SPAG16: variants seen among roughly 807,000 people sequenced by gnomAD.
SPAG16 encodes sperm associated antigen 16.
SPAG16 carries 86 observed loss-of-function variants against 80.4 expected under a neutral mutation model. The ratio of observed to expected loss-of-function variants is 1.07; its 90% CI spans 0.90 to 1.28. The LOEUF is 1.28. SPAG16 is among the 50% of genes most tolerant of loss of function. SPAG16 has a pLI of 0.00. For synonymous variants in SPAG16, 294 were observed against 265.9 expected, an observed-to-expected ratio of 1.11 and a Z score of -1.03; for missense variants, 870 against 765.3, an observed-to-expected ratio of 1.14 and a Z score of -1.61.
At chr2:213,767,530 C>A (rs1223829127) in intron 10 of SPAG16, among the ~76,000 whole-genome samples, 1 of 151,708 alleles carries the variant, frequency 6.6e-6, no homozygotes, top group East Asian at 1.9e-4. Flanking sequence ...ATTAGCCAGG[C>A]GGTTGAGAGG....
intron 9 of SPAG16, among the ~76,000 whole-genome samples, chr2:213,445,330 T>C (rs1348394160): frequency 6.6e-6 from 1 of 152,104 alleles, no homozygotes; most frequent in East Asian, 1.9e-4. Context: ...GTAATCTGAT[T>C]AGAAAATGGA....
chr2:214,057,656 G>A (rs2050015948), intron 13 of SPAG16, among the ~76,000 whole-genome samples: 1 of 152,154 alleles, frequency 6.6e-6, no homozygotes, highest in African/African-American at 2.4e-5. Context: ...CTGAAGCTTT[G>A]AAGCCAGACA....
chr2:213,455,150 C>T (rs1004796135), intron 9 of SPAG16, among the ~76,000 whole-genome samples: 2 of 152,132 alleles, frequency 1.3e-5, no homozygotes, highest in Non-Finnish European at 2.9e-5. Context: ...ATTTTCTTAT[C>T]CCACTAACAA....
intron 12 of SPAG16, among the ~76,000 whole-genome samples, chr2:213,943,823 GTA>G (rs2079318777): frequency 6.6e-6 from 1 of 152,258 alleles, no homozygotes; most frequent in East Asian, 1.9e-4. Flanking sequence ...AAGAAGATTA[GTA>G]TGAGTGTGAT....
At chr2:214,071,553 G>T (rs1308536455) in intron 13 of SPAG16, among the ~76,000 whole-genome samples, 3 of 151,992 alleles carry the variant, frequency 2.0e-5, no homozygotes, top group Admixed American at 6.6e-5. Context: ...AAAAACTAAG[G>T]TACTGATTTT....
chr2:214,300,332 T>G (rs1694457789), intron 15 of SPAG16, among the ~76,000 whole-genome samples: 1 of 152,160 alleles, frequency 6.6e-6, no homozygotes. Flanking sequence ...AGTAATCTTT[T>G]AAGTAAAATT....
chr2:213,794,023 A>C (rs148925374), intron 10 of SPAG16, among the ~76,000 whole-genome samples: 86 of 152,292 alleles, frequency 5.6e-4, no homozygotes, highest in Non-Finnish European at 1.1e-3. Flanking sequence ...TCTTACATTC[A>C]AATCCAAACT....
chr2:214,119,203 T>C (rs2054096219), intron 14 of SPAG16, among the ~76,000 whole-genome samples: 1 of 152,206 alleles, frequency 6.6e-6, no homozygotes, highest in Non-Finnish European at 1.5e-5. Context: ...GAATTGAATT[T>C]TATTTGTTAA....
intron 10 of SPAG16, among the ~76,000 whole-genome samples, chr2:213,764,345 A>C (rs1274119072): frequency 6.6e-6 from 1 of 151,904 alleles, no homozygotes; most frequent in Non-Finnish European, 1.5e-5. Flanking sequence ...GTGCTTTATC[A>C]GCATGGGTGA....
chr2:213,716,264 TATGACCTAAAG>T (rs1344304566), intron 10 of SPAG16, among the ~76,000 whole-genome samples: 1 of 152,172 alleles, frequency 6.6e-6, no homozygotes. Flanking sequence ...GAGATAGAGC[TATGACCTAAAG>T]ATTAATACAC....
At chr2:213,783,232 AT>A (rs2070125185) in intron 10 of SPAG16, among the ~76,000 whole-genome samples, 2 of 150,938 alleles carry the variant, frequency 1.3e-5, no homozygotes, top group South Asian at 4.2e-4. Context: ...TGAACTCATC[AT>A]TTTTTATGGC....
At chr2:214,256,559 A>G (rs563330884) in intron 15 of SPAG16, among the ~76,000 whole-genome samples, 1 of 120,904 alleles carries the variant, frequency 8.3e-6, no homozygotes, top group African/African-American at 3.0e-5. Context: ...ACTTTTCTGT[A>G]TGTTATAAAT....
At chr2:214,351,558 C>T (rs1299650313) in intron 15 of SPAG16, among the ~76,000 whole-genome samples, 1 of 151,928 alleles carries the variant, frequency 6.6e-6, no homozygotes, top group African/African-American at 2.4e-5. Context: ...AAAAAATTAG[C>T]CGGGCGTGGT....
At chr2:213,369,684 C>T (rs1000798313) in intron 8 of SPAG16, among the ~76,000 whole-genome samples, 7 of 152,134 alleles carry the variant, frequency 4.6e-5, no homozygotes, top group Non-Finnish European at 1.0e-4. Flanking sequence ...TGGTCACTGC[C>T]TCTGTCTTGT....
chr2:213,758,071 T>A (rs193133083), intron 10 of SPAG16: 3 of 151,430 alleles, frequency 2.0e-5, no homozygotes, highest in African/African-American at 4.8e-5. Flanking sequence ...AGTTACTAAG[T>A]GTAAACTTAA....
At chr2:213,677,537 G>T (rs1182042370) in intron 10 of SPAG16, among the ~76,000 whole-genome samples, 1 of 152,030 alleles carries the variant, frequency 6.6e-6, no homozygotes, top group African/African-American at 2.4e-5. Context: ...TTACATAATG[G>T]TAAAGGGATC....
At chr2:213,291,060 G>A (rs2062251157) in intron 1 of SPAG16, among the ~76,000 whole-genome samples, 1 of 152,134 alleles carries the variant, frequency 6.6e-6, no homozygotes, top group Non-Finnish European at 1.5e-5. Flanking sequence ...ATACAGAGAT[G>A]GTATCTGATT....
intron 10 of SPAG16, among the ~76,000 whole-genome samples, chr2:213,546,878 T>C (rs1299488405): frequency 6.6e-6 from 1 of 152,164 alleles, no homozygotes; most frequent in African/African-American, 2.4e-5. Flanking sequence ...ATTGGAAATA[T>C]AAACCTGTTT....
At chr2:214,382,046 A>G (rs1482420609) in intron 15 of SPAG16, among the ~76,000 whole-genome samples, 2 of 152,218 alleles carry the variant, frequency 1.3e-5, no homozygotes, top group African/African-American at 2.4e-5. Context: ...AGAAAAGTAA[A>G]TATCACGGTG....
Sources: gnomAD v4.1 joint callset for allele counts (sites outside exome capture counted in the v4.1 genomes callset) on GRCh38, gnomAD v4.1.1 for gene constraint, MANE v1.5 for transcripts, NCBI Gene and HGNC (gene_info 2026-07-23, HGNC 2026-07-21) for gene names.